The following KCNMB2 variants were observed in gnomAD, a reference collection of about 807,000 sequenced individuals.
KCNMB2 encodes the protein potassium calcium-activated channel subfamily M regulatory beta subunit 2, also known as calcium-activated potassium channel subunit beta-2.
KCNMB2 carries 9 observed loss-of-function variants against 24.5 expected under a neutral mutation model. The ratio of observed to expected loss-of-function variants is 0.37; its 90% CI spans 0.22 to 0.64. The LOEUF (loss-of-function observed/expected upper bound fraction) is 0.64, where lower values mean the gene tolerates loss of function less well. KCNMB2 is among the 30% of genes least tolerant of loss of function. KCNMB2 has a pLI of 0.63. For missense variants in KCNMB2, 226 were observed against 284.3 expected, an observed-to-expected ratio of 0.79 and a Z score of 1.47; for synonymous variants, 109 against 104.4, an observed-to-expected ratio of 1.04 and a Z score of -0.27.
chr3:178,735,958 T>A (rs748039570), intron 1 of KCNMB2, among the ~76,000 whole-genome samples: 7 of 152,296 alleles, frequency 4.6e-5, no homozygotes, highest in East Asian at 1.9e-4. Flanking sequence ...CAGTAAAATG[T>A]TTATAGGAGT....
intron 1 of KCNMB2, among the ~76,000 whole-genome samples, chr3:178,757,669 TATATCCAA>T (rs1724167458): frequency 2.1e-5 from 1 of 48,502 alleles, no homozygotes. Flanking sequence ...TATATGTATA[TATATCCAA>T]GAGGATATAT....
chr3:178,656,143 G>A (rs1335506913), intron 1 of KCNMB2, among the ~76,000 whole-genome samples: 1 of 152,128 alleles, frequency 6.6e-6, no homozygotes, highest in Non-Finnish European at 1.5e-5. Flanking sequence ...AGTACTGAGT[G>A]GGACCTCAAT....
intron 1 of KCNMB2, chr3:178,757,035 A>C (rs112108678): frequency 6.6e-6 from 1 of 151,632 alleles, no homozygotes; most frequent in African/African-American, 2.4e-5. Context: ...ATATATATAT[A>C]TGTATATTTC....
intron 3 of KCNMB2, 24 bp from the exon 4 acceptor site, chr3:178,828,154 T>C (rs1294446480): frequency 1.3e-6 from 2 of 1,588,652 alleles, no homozygotes; most frequent in East Asian, 2.2e-5. Context: ...GGGCCTGTGT[T>C]TACTCTCACC....
intron 1 of KCNMB2, among the ~76,000 whole-genome samples, chr3:178,800,695 A>G (rs569388947): frequency 6.6e-6 from 1 of 152,290 alleles, no homozygotes; most frequent in Admixed American, 6.5e-5. Flanking sequence ...AAAAGAATGC[A>G]ATTCAGTATG....
intron 1 of KCNMB2, among the ~76,000 whole-genome samples, chr3:178,596,027 G>T (rs183300881): frequency 1.3e-5 from 2 of 152,180 alleles, no homozygotes; most frequent in African/African-American, 4.8e-5. Flanking sequence ...CCAAGAATGT[G>T]TCTGGACTCA....
At chr3:178,776,431 T>C (rs1224320376) in intron 1 of KCNMB2, among the ~76,000 whole-genome samples, 1 of 152,212 alleles carries the variant, frequency 6.6e-6, no homozygotes, top group African/African-American at 2.4e-5. Context: ...CTGCTCATAG[T>C]TTCATCTGCT....
intron 1 of KCNMB2, among the ~76,000 whole-genome samples, chr3:178,718,418 C>T (rs1722689449): frequency 6.6e-6 from 1 of 152,150 alleles, no homozygotes. Flanking sequence ...GCTAATCTTC[C>T]TCTCAAGGAC....
intron 1 of KCNMB2, among the ~76,000 whole-genome samples, chr3:178,561,033 A>G (rs778952234): frequency 1.1e-4 from 17 of 152,230 alleles, no homozygotes; most frequent in Non-Finnish European, 1.9e-4. Flanking sequence ...TTGCCTCTGC[A>G]TCCAAAAAAG....
At position 178,697,519 on chromosome 3, in the gene KCNMB2, C is replaced by T. The variant is rs138968462; in HGVS notation, c.-67-109824C>T. 1.6e-3 allele frequency among the ~76,000 whole-genome samples: 240 copies of T among 152,252 alleles called. 1 individual carries two copies. Among genetic ancestry groups the T allele is most frequent in the Non-Finnish European group, 2.7e-3 (181 of 68,006 alleles). On this transcript the variant is annotated intron_variant, in intron 1 of 4. Coordinates refer to ENST00000452583, the MANE Select transcript of KCNMB2 (RefSeq NM_181361.3). ...GTGTCATTGCATGTGAGATGGATTT[C>T]TTGAAGACAGCAGCCCAATGGGTCT...
rs1336379958 is a variant in KCNMB2, at chr3:178,659,435, A to G, written c.-68+122724A>G. On this transcript the variant is annotated intron_variant, in intron 1 of 4. Transcript: ENST00000452583. ...ATTTTAAAAGTTCAATTTTCTCCAG[A>G]TAGTGATATTAGTCAACTTTGATGT... Among the ~76,000 whole-genome samples the G allele has an allele frequency of 2.0e-5, 3 of 152,226 alleles. No homozygotes were observed. The East Asian group carries it at 5.8e-4, about 29-fold the overall frequency.
intron 1 of KCNMB2, among the ~76,000 whole-genome samples, chr3:178,576,719 G>A (rs575754844): frequency 1.4e-4 from 21 of 152,300 alleles, no homozygotes; most frequent in African/African-American, 4.6e-4. Context: ...TGTAAACAAA[G>A]CCACCCGGAA....
intron 1 of KCNMB2, among the ~76,000 whole-genome samples, chr3:178,621,581 G>A (rs998546119): frequency 1.3e-4 from 19 of 151,812 alleles, no homozygotes; most frequent in Non-Finnish European, 2.4e-4. Flanking sequence ...TCTAGACTAG[G>A]TTTTCCTGTT....
At chr3:178,563,259 T>G (rs1716388831) in intron 1 of KCNMB2, among the ~76,000 whole-genome samples, 1 of 152,244 alleles carries the variant, frequency 6.6e-6, no homozygotes, top group Admixed American at 6.5e-5. Flanking sequence ...AAGGATTAAA[T>G]GAGTAAATAT....
At chr3:178,692,394 T>C (rs1721713574) in intron 1 of KCNMB2, among the ~76,000 whole-genome samples, 1 of 152,236 alleles carries the variant, frequency 6.6e-6, no homozygotes, top group Admixed American at 6.5e-5. Context: ...ATTTAAGTCA[T>C]TAATCCATCT....
At chr3:178,806,367 T>C (rs1302539188) in intron 1 of KCNMB2, among the ~76,000 whole-genome samples, 1 of 152,158 alleles carries the variant, frequency 6.6e-6, no homozygotes, top group Non-Finnish European at 1.5e-5. Context: ...GCATAAATAA[T>C]ACATTCAAAG....
chr3:178,765,102 AC>A (rs1712061088), intron 1 of KCNMB2, among the ~76,000 whole-genome samples: 1 of 152,226 alleles, frequency 6.6e-6, no homozygotes, highest in Non-Finnish European at 1.5e-5. Context: ...TAAATTGTAC[AC>A]TATTGCTCAC....
intron 1 of KCNMB2, among the ~76,000 whole-genome samples, chr3:178,764,712 C>T (rs1396099385): frequency 6.6e-6 from 1 of 152,186 alleles, no homozygotes; most frequent in Non-Finnish European, 1.5e-5. Flanking sequence ...CCTGTTAAGA[C>T]TGGTGTGATT....
intron 1 of KCNMB2, among the ~76,000 whole-genome samples, chr3:178,652,230 AAAAC>A (rs1360757577): frequency 5.9e-5 from 9 of 152,294 alleles, no homozygotes; most frequent in Non-Finnish European, 7.4e-5. Flanking sequence ...TTACATGAAA[AAAAC>A]AAACAACCCC....
Sources: allele counts gnomAD v4.1 joint callset (sites outside exome capture counted in the v4.1 genomes callset), GRCh38; gene constraint gnomAD v4.1.1; transcripts MANE v1.5; gene names NCBI Gene and HGNC (gene_info 2026-07-23, HGNC 2026-07-21).